The following XKR6 variants were observed in gnomAD, a reference collection of about 807,000 sequenced individuals.
XKR6 encodes the protein XK related 6.
XKR6 carries 22 observed loss-of-function variants against 56.7 expected under a neutral mutation model. The ratio of observed to expected loss-of-function variants is 0.39; its 90% CI spans 0.28 to 0.55. The LOEUF (loss-of-function observed/expected upper bound fraction) is 0.55. Ranked by LOEUF, XKR6 falls within the 20% of genes least tolerant of loss-of-function variation. The probability of loss-of-function intolerance (pLI) is 0.66; values close to 1 mark genes in which losing one functional copy is unlikely to be tolerated. For missense variants in XKR6, 852 were observed against 889.0 expected, an observed-to-expected ratio of 0.96 and a Z score of 0.53; for synonymous variants, 524 against 387.8, an observed-to-expected ratio of 1.35 and a Z score of -4.13.
At chr8:10,920,638 C>T (rs1800682590) in intron 2 of XKR6, among the ~76,000 whole-genome samples, 2 of 152,138 alleles carry the variant, frequency 1.3e-5, no homozygotes, top group South Asian at 4.1e-4. Context: ...ATTGGAATGG[C>T]ATCTACTGGC....
intron 1 of XKR6, chr8:11,108,106 T>C (rs536446265): frequency 1.1e-4 from 35 of 333,078 alleles, no homozygotes; most frequent in Admixed American, 2.7e-4. Flanking sequence ...AAAACAGAGA[T>C]TGGAAACACG....
chr8:11,180,645 C>G (rs188632631), intron 1 of XKR6, among the ~76,000 whole-genome samples: 4 of 152,352 alleles, frequency 2.6e-5, no homozygotes, highest in East Asian at 3.9e-4. Flanking sequence ...TGGCTCACAC[C>G]TGCAATCCCA....
chr8:10,985,221 G>T (rs897713898), intron 1 of XKR6, among the ~76,000 whole-genome samples: 3 of 152,112 alleles, frequency 2.0e-5, no homozygotes, highest in African/African-American at 7.2e-5. Flanking sequence ...GAGGGACCTG[G>T]TGGGAGGTAA....
chr8:11,149,716 C>G (rs1015171441), intron 1 of XKR6, among the ~76,000 whole-genome samples: 3 of 152,062 alleles, frequency 2.0e-5, no homozygotes, highest in African/African-American at 7.2e-5. Flanking sequence ...AACAGAACCA[C>G]TATATATGAT....
At chr8:11,154,005 A>T (rs191851518) in intron 1 of XKR6, among the ~76,000 whole-genome samples, 5 of 152,280 alleles carry the variant, frequency 3.3e-5, no homozygotes, top group Non-Finnish European at 4.4e-5. Context: ...ACTCACTGCA[A>T]TCCTTTTAAA....
chr8:10,973,575 C>A (rs975811291), intron 1 of XKR6, among the ~76,000 whole-genome samples: 2 of 152,090 alleles, frequency 1.3e-5, no homozygotes, highest in African/African-American at 4.8e-5. Context: ...TTCTCTCTTT[C>A]TCTCTTTCTC....
At chr8:10,985,748 A>T (rs1797848284) in intron 1 of XKR6, among the ~76,000 whole-genome samples, 2 of 152,206 alleles carry the variant, frequency 1.3e-5, no homozygotes, top group Non-Finnish European at 2.9e-5. Context: ...TAAATTACGC[A>T]GTCTCTGGTA....
chr8:10,902,467 T>C (rs1586283936), intron 2 of XKR6, among the ~76,000 whole-genome samples: 2 of 152,142 alleles, frequency 1.3e-5, no homozygotes, highest in African/African-American at 4.8e-5. Flanking sequence ...ATGGCATGCT[T>C]CCTGCCATGT....
chr8:11,047,243 C>G (rs1490598760), intron 1 of XKR6, among the ~76,000 whole-genome samples: 1 of 152,238 alleles, frequency 6.6e-6, no homozygotes, highest in Non-Finnish European at 1.5e-5. Flanking sequence ...TGTATCAAAA[C>G]ATCACACAGT....
intron 1 of XKR6, among the ~76,000 whole-genome samples, chr8:10,986,612 T>C (rs1032223608): frequency 3.3e-5 from 5 of 152,206 alleles, no homozygotes; most frequent in African/African-American, 1.2e-4. Context: ...TAGAATGTCA[T>C]AGTTGAGGGA....
chr8:10,990,288 A>T (rs1334904915), intron 1 of XKR6, among the ~76,000 whole-genome samples: 2 of 152,022 alleles, frequency 1.3e-5, no homozygotes, highest in East Asian at 3.9e-4. Flanking sequence ...TCTTACTGTT[A>T]CTCTTAGACC....
chr8:11,072,221 G>A (rs571416811), intron 1 of XKR6, among the ~76,000 whole-genome samples: 275 of 146,972 alleles, frequency 1.9e-3, no homozygotes, highest in African/African-American at 6.2e-3. Context: ...AGAGACAGCA[G>A]GGCTCCACCC....
chr8:10,967,858 A>G (rs10094337), intron 1 of XKR6, among the ~76,000 whole-genome samples: 15,438 of 152,228 alleles, frequency 0.1, 1,589 homozygotes, highest in African/African-American at 0.27. Context: ...CACTGAAGTC[A>G]GAGAGCTCAC....
intron 1 of XKR6, chr8:11,035,341 C>T: frequency 1.9e-6 from 1 of 534,626 alleles, no homozygotes; most frequent in South Asian, 1.4e-5. Context: ...CCCCACTGGC[C>T]ATGCAGGAGC....
At chr8:11,094,510 G>C (rs185577149) in intron 1 of XKR6, among the ~76,000 whole-genome samples, 199 of 152,222 alleles carry the variant, frequency 1.3e-3, no homozygotes, top group African/African-American at 4.5e-3. Context: ...TTTCATTTGG[G>C]GGCATTTGTA....
intron 1 of XKR6, among the ~76,000 whole-genome samples, chr8:11,165,959 GTTT>G (rs943836510): frequency 2.1e-5 from 3 of 140,906 alleles, no homozygotes; most frequent in Non-Finnish European, 4.7e-5. Context: ...AGTTTTTTGG[GTTT>G]TTTTTTTTTT....
chr8:11,062,062 C>G (rs1563111560), intron 1 of XKR6, among the ~76,000 whole-genome samples: 1 of 152,168 alleles, frequency 6.6e-6, no homozygotes, highest in Non-Finnish European at 1.5e-5. Context: ...TTCCATGGGA[C>G]AGACAGGATG....
At position 11,200,473 on chromosome 8, in the gene XKR6, GC is replaced by G. The variant is rs1804148501; in HGVS notation, c.764+102del. 1.5e-6 allele frequency: 2 copies of G among 1,303,856 alleles called. No homozygotes were observed. The highest frequency in any genetic ancestry group is 3.1e-5 in the East Asian group (1 of 31,930). 80.8% of individuals were successfully genotyped at this position (1,303,856 alleles called of 1,614,324 possible). ...GGCGCGCGGCCGGTCCCTCCTTCGA[GC>G]CCCCCGCGCTGGGCCCTTTCGAGGG... On this transcript the variant is annotated intron_variant, in intron 1 of 2. Coordinates refer to ENST00000416569, the MANE Select transcript of XKR6 (RefSeq NM_173683.4). This position sits in a 1 kb window ranked among gnomAD's most constrained non-coding sequence, Gnocchi z 6.4.
chr8:11,107,597 T>G (rs1002311764), intron 1 of XKR6, among the ~76,000 whole-genome samples: 6 of 152,132 alleles, frequency 3.9e-5, no homozygotes, highest in African/African-American at 1.4e-4. Flanking sequence ...CCACTCAGGC[T>G]CCTCTCTCAG....
Sources: allele counts gnomAD v4.1 joint callset (sites outside exome capture counted in the v4.1 genomes callset), GRCh38; gene constraint gnomAD v4.1.1; non-coding constraint Gnocchi (gnomAD v3.1); transcripts MANE v1.5; gene names NCBI Gene and HGNC (gene_info 2026-07-23, HGNC 2026-07-21).